The following HTR7 variants were observed in gnomAD, a reference collection of about 807,000 sequenced individuals.
HTR7 encodes 5-hydroxytryptamine receptor 7.
A neutral mutation model predicts 34.0 loss-of-function variants in HTR7; 16 were observed. The ratio of observed to expected loss-of-function variants is 0.47; its 90% confidence interval spans 0.32 to 0.71. The LOEUF is 0.71. HTR7 is among the 30% of genes least tolerant of loss of function. The probability of loss-of-function intolerance (pLI) is 0.04; values close to 1 mark genes in which losing one functional copy is unlikely to be tolerated. For synonymous variants in HTR7, 265 were observed against 260.2 expected (o/e 1.02, Z -0.18); for missense variants, 504 against 625.5 (o/e 0.81, Z 2.07).
chr10:90,822,172 A>G (rs918516639), intron 1 of HTR7, among the ~76,000 whole-genome samples: 2 of 152,222 alleles, frequency 1.3e-5, no homozygotes, highest in African/African-American at 4.8e-5. Context: ...GAAGACAGAA[A>G]GATGGTAGGA....
intron 1 of HTR7, among the ~76,000 whole-genome samples, chr10:90,773,951 A>T (rs543986326): frequency 1.3e-5 from 2 of 152,282 alleles, no homozygotes; most frequent in South Asian, 4.1e-4. Context: ...AGCAATTGAA[A>T]ATAAGGCTAT....
intron 1 of HTR7, among the ~76,000 whole-genome samples, chr10:90,832,852 C>T (rs1846199357): frequency 6.6e-6 from 1 of 152,176 alleles, no homozygotes; most frequent in Non-Finnish European, 1.5e-5. Flanking sequence ...AGAAAAGGCC[C>T]TCTGAAAAAG....
At chr10:90,806,433 C>T (rs918639814) in intron 1 of HTR7, among the ~76,000 whole-genome samples, 3 of 151,960 alleles carry the variant, frequency 2.0e-5, no homozygotes, top group Non-Finnish European at 2.9e-5. Flanking sequence ...CCCGTCTCTA[C>T]TAAAAAATAC....
At chr10:90,844,700 C>A (rs1846384696) in intron 1 of HTR7, among the ~76,000 whole-genome samples, 1 of 120,136 alleles carries the variant, frequency 8.3e-6, no homozygotes, top group Non-Finnish European at 1.6e-5. Flanking sequence ...GCACTCCAGC[C>A]TGGGCAACAG....
chr10:90,764,997 T>C (rs1405757796), intron 1 of HTR7, among the ~76,000 whole-genome samples: 1 of 152,186 alleles, frequency 6.6e-6, no homozygotes, highest in Non-Finnish European at 1.5e-5. Flanking sequence ...TTTTATTTTC[T>C]CATACAGTCC....
chr10:90,853,116 A>G (rs1256636575), intron 1 of HTR7, among the ~76,000 whole-genome samples: 1 of 152,000 alleles, frequency 6.6e-6, no homozygotes, highest in African/African-American at 2.4e-5. Context: ...TACTGATTAC[A>G]CCACCACCCA....
intron 1 of HTR7, among the ~76,000 whole-genome samples, chr10:90,786,621 A>G (rs1360804935): frequency 1.3e-5 from 2 of 152,238 alleles, no homozygotes; most frequent in Non-Finnish European, 2.9e-5. Context: ...AAAATTCATG[A>G]ATAATACAGG....
chr10:90,742,527 G>T lies in HTR7; in HGVS notation c.1395C>A (p.Asp465Glu), dbSNP rs1375212896. Residue 465 changes from aspartate (D) to glutamate (E), a missense_variant and splice_region_variant, in exon 4 of 4, where the codon GAC (aspartate) becomes GAA (glutamate). By Grantham distance (45) the Asp-to-Glu change is conservative. This residue lies in a region of HTR7 where 154 missense variants were observed against 212.1 expected (regional missense o/e 0.73). Transcript: ENST00000336152. Reference sequence around the variant, plus strand: ...TTTTTTCTACAGTAGTCAGCATTTTGTCTAAAAAAAAGAGAGAGAAAAATA... The same window carrying T: ...TTTTTTCTACAGTAGTCAGCATTTTTTCTAAAAAAAAGAGAGAGAAAAATA... ...QSPDHHNWLA[D>E]KMLTTVEKKV... is the part of the protein sequence containing the mutation. The T allele has an allele frequency of 1.3e-6, 2 of 1,582,084 alleles. No individual in the cohort carries two copies. The highest frequency in any genetic ancestry group is 1.7e-6 in the Non-Finnish European group (2 of 1,161,080).
At chr10:90,811,418 T>C (rs1845807412) in intron 1 of HTR7, among the ~76,000 whole-genome samples, 1 of 152,052 alleles carries the variant, frequency 6.6e-6, no homozygotes, top group Non-Finnish European at 1.5e-5. Context: ...ATCTCTCTGA[T>C]CCACCTGACG....
chr10:90,814,090 T>C (rs1845859978), intron 1 of HTR7, among the ~76,000 whole-genome samples: 1 of 152,182 alleles, frequency 6.6e-6, no homozygotes, highest in African/African-American at 2.4e-5. Context: ...ACCACTTAAT[T>C]GATTTCCTTG....
rs78132142 is a variant in HTR7, at chr10:90,743,852, A to C, written c.1296-162T>G. On this transcript the variant is annotated intron_variant, in intron 2 of 3. Transcript: ENST00000336152. ...TTGATAGCAGTAAATTAAAATTACC[A>C]GTGCAAAAGTATTCACAGCTTTTCC... 3.1e-4 allele frequency: 230 copies of C among 731,706 alleles called. 1 individual carries two copies. In the African/African-American group the frequency reaches 4.0e-3, roughly 13 times the overall value. The allele number at this position is 731,706 out of a possible 1,614,324, so 45.3% of individuals were successfully genotyped here. A position where few individuals can be genotyped will look rare whatever the true frequency, so the allele number is the denominator to read the frequency against.
intron 3 of HTR7, 110 bp downstream of exon 3, chr10:90,743,483 G>C (rs757129299): frequency 5.7e-6 from 5 of 872,374 alleles, no homozygotes; most frequent in Non-Finnish European, 9.5e-6. Context: ...CCCAGCACAG[G>C]AGAGACAGTG....
At chr10:90,815,888 A>T (rs985592752) in intron 1 of HTR7, among the ~76,000 whole-genome samples, 2 of 152,184 alleles carry the variant, frequency 1.3e-5, no homozygotes, top group Non-Finnish European at 2.9e-5. Context: ...GTCTGTGAGC[A>T]CTTCCCAATG....
At chr10:90,848,893 C>T (rs1366001159) in intron 1 of HTR7, among the ~76,000 whole-genome samples, 2 of 152,176 alleles carry the variant, frequency 1.3e-5, no homozygotes, top group Non-Finnish European at 2.9e-5. Context: ...CAACCCCAGA[C>T]TTTTGAAATC....
intron 1 of HTR7, among the ~76,000 whole-genome samples, chr10:90,786,073 T>C (rs1845376138): frequency 6.6e-6 from 1 of 152,238 alleles, no homozygotes; most frequent in South Asian, 2.1e-4. Flanking sequence ...GGGATGGAAC[T>C]TCCTCAGCAC....
chr10:90,816,691 T>C (rs11186320), intron 1 of HTR7, among the ~76,000 whole-genome samples: 55,411 of 151,994 alleles, frequency 0.36, 10,794 homozygotes, highest in African/African-American at 0.51. Context: ...ACAGATGATT[T>C]AAGAGCCTAT....
At chr10:90,824,450 G>C (rs1846037540) in intron 1 of HTR7, among the ~76,000 whole-genome samples, 1 of 152,224 alleles carries the variant, frequency 6.6e-6, no homozygotes. Flanking sequence ...CACATTCCCA[G>C]CTGTGGTAGC....
intron 1 of HTR7, among the ~76,000 whole-genome samples, chr10:90,786,176 C>A (rs554364638): frequency 1.4e-4 from 22 of 152,330 alleles, no homozygotes; most frequent in African/African-American, 5.3e-4. Flanking sequence ...CTGATCTTTA[C>A]TCAATATTAT....
chr10:90,851,658 C>T (rs1703519741), intron 1 of HTR7, among the ~76,000 whole-genome samples: 1 of 141,462 alleles, frequency 7.1e-6, no homozygotes, highest in Non-Finnish European at 1.5e-5. Flanking sequence ...CATTTTCAGA[C>T]AAGTAAGAAT....
Sources: gnomAD v4.1 joint callset for allele counts (sites outside exome capture counted in the v4.1 genomes callset) on GRCh38, gnomAD v4.1.1 for gene constraint, gnomAD v4.1.1 regional missense constraint, MANE v1.5 for transcripts, NCBI Gene and HGNC (gene_info 2026-07-23, HGNC 2026-07-21) for gene names.